The following HTR2A variants were observed in gnomAD, a reference collection of about 807,000 sequenced individuals.
HTR2A encodes the protein 5-HT2 receptor.
HTR2A carries 14 observed loss-of-function variants against 31.0 expected under a neutral mutation model. That is an observed-to-expected ratio of 0.45 (90% CI 0.30 to 0.71). The LOEUF is 0.71. Ranked by LOEUF, HTR2A falls within the 30% of genes least tolerant of loss-of-function variation. The pLI, the probability that HTR2A is intolerant of heterozygous loss-of-function variation, is 0.09. For synonymous variants in HTR2A, 209 were observed against 225.2 expected (o/e 0.93, Z 0.64); for missense variants, 442 against 573.3 (o/e 0.77, Z 2.34).
intron 3 of HTR2A, among the ~76,000 whole-genome samples, chr13:46,880,936 A>G (rs1257877051): frequency 2.0e-5 from 3 of 152,166 alleles, no homozygotes; most frequent in African/African-American, 7.2e-5. Context: ...TGGATCATCT[A>G]TGCTGTGCTA....
At chr13:46,876,385 C>CATATATATATAT (rs1213510951) in intron 3 of HTR2A, among the ~76,000 whole-genome samples, 26 of 94,290 alleles carry the variant, frequency 2.8e-4, no homozygotes, top group South Asian at 1.7e-3. Flanking sequence ...TATTTTGATT[C>CATATATATATAT]ATATATATAT....
At chr13:46,889,314 T>A (rs1951032299) in intron 3 of HTR2A, among the ~76,000 whole-genome samples, 1 of 152,058 alleles carries the variant, frequency 6.6e-6, no homozygotes, top group African/African-American at 2.4e-5. Context: ...TAATAACCCA[T>A]GAAGGTATAG....
At chr13:46,892,969 A>C (rs61948342) in intron 2 of HTR2A, among the ~76,000 whole-genome samples, 6,083 of 152,272 alleles carry the variant, frequency 0.04, 164 homozygotes, top group South Asian at 0.096. Flanking sequence ...CTGTACTGTC[A>C]GGATTTAGTC....
chr13:46,896,077 T>TC lies in HTR2A; in HGVS notation c.-172_-171insG. ...ATTATTACAATGATAGTTAAAGAAC[T>TC]GAACTGTGGTGGCTGTAAGTTTTCT... On this transcript the variant is annotated 5_prime_UTR_variant, in exon 2 of 4. It removes the in-frame stop codon of an upstream open reading frame in the 5' UTR. Coordinates refer to ENST00000542664, the MANE Select transcript of HTR2A (RefSeq NM_000621.5). The TC allele has an allele frequency of 7.3e-7, 1 of 1,363,660 alleles. No homozygotes were observed. Among genetic ancestry groups the TC allele is most frequent in the South Asian group, 2.1e-5 (1 of 46,832 alleles). The allele number at this position is 1,363,660 out of a possible 1,614,324, so 84.5% of individuals were successfully genotyped here.
intron 3 of HTR2A, among the ~76,000 whole-genome samples, chr13:46,874,171 G>A (rs761377871): frequency 6.6e-6 from 1 of 152,188 alleles, no homozygotes; most frequent in African/African-American, 2.4e-5. Context: ...CTCATGGTAT[G>A]TCTCTTATTC....
intron 3 of HTR2A, among the ~76,000 whole-genome samples, chr13:46,882,148 G>GTT (rs1950970511): frequency 3.3e-5 from 5 of 151,768 alleles, no homozygotes; most frequent in African/African-American, 4.8e-5. Flanking sequence ...GAAGTTACAT[G>GTT]CAATTCCAAG....
At chr13:46,845,227 A>G (rs1459797634) in intron 3 of HTR2A, among the ~76,000 whole-genome samples, 1 of 152,168 alleles carries the variant, frequency 6.6e-6, no homozygotes, top group Non-Finnish European at 1.5e-5. Context: ...ATAAATTCCT[A>G]TGTGATGTCA....
intron 3 of HTR2A, among the ~76,000 whole-genome samples, chr13:46,848,622 G>A (rs148658990): frequency 2.0e-5 from 3 of 152,298 alleles, no homozygotes; most frequent in African/African-American, 7.2e-5. Flanking sequence ...TACAGATGAA[G>A]AAAATATACT....
chr13:46,893,642 G>T (rs972034773), intron 2 of HTR2A, among the ~76,000 whole-genome samples: 1 of 152,224 alleles, frequency 6.6e-6, no homozygotes, highest in African/African-American at 2.4e-5. Flanking sequence ...AAGAGATACT[G>T]CAGGTCACCT....
intron 3 of HTR2A, among the ~76,000 whole-genome samples, chr13:46,882,057 C>CTT (rs1950969345): frequency 6.6e-6 from 1 of 151,482 alleles, no homozygotes; most frequent in Non-Finnish European, 1.5e-5. Context: ...TTTGAGGTTG[C>CTT]TCATAAAAAA....
intron 3 of HTR2A, among the ~76,000 whole-genome samples, chr13:46,875,238 TG>T (rs1950899322): frequency 6.6e-6 from 1 of 152,236 alleles, no homozygotes. Context: ...GTTGTTCATC[TG>T]GGATTTTAAA....
chr13:46,867,722 C>T (rs1431145022), intron 3 of HTR2A, among the ~76,000 whole-genome samples: 1 of 152,136 alleles, frequency 6.6e-6, no homozygotes, highest in Non-Finnish European at 1.5e-5. Flanking sequence ...GCCATATGGC[C>T]CTCTTTACAT....
chr13:46,891,719 C>A (rs1413428636), intron 3 of HTR2A, among the ~76,000 whole-genome samples: 1 of 152,214 alleles, frequency 6.6e-6, no homozygotes, highest in Non-Finnish European at 1.5e-5. Context: ...CACTTCACTG[C>A]CTGAGACCCG....
chr13:46,894,174 T>G (rs9534510), intron 2 of HTR2A, among the ~76,000 whole-genome samples: 82,522 of 152,040 alleles, frequency 0.54, 22,941 homozygotes, highest in Middle Eastern at 0.68. Flanking sequence ...TGGGGGAGGC[T>G]GGAGGAGCAG....
At chr13:46,841,520 C>T (rs530558513) in intron 3 of HTR2A, among the ~76,000 whole-genome samples, 1 of 152,082 alleles carries the variant, frequency 6.6e-6, no homozygotes, top group South Asian at 2.1e-4. Context: ...GCCTGAGCCT[C>T]ATTCTCGGGG....
intron 3 of HTR2A, among the ~76,000 whole-genome samples, chr13:46,845,501 T>G (rs1950634439): frequency 6.6e-6 from 1 of 152,082 alleles, no homozygotes; most frequent in Non-Finnish European, 1.5e-5. Context: ...GCAATCAGTT[T>G]TGTTCCTTCA....
intron 3 of HTR2A, among the ~76,000 whole-genome samples, chr13:46,876,264 T>C (rs1383263124): frequency 6.6e-6 from 1 of 152,018 alleles, no homozygotes; most frequent in Admixed American, 6.6e-5. Flanking sequence ...CAACCATCTC[T>C]GATCCCCAAT....
intron 3 of HTR2A, among the ~76,000 whole-genome samples, chr13:46,866,960 A>C (rs1392748844): frequency 2.0e-5 from 3 of 152,222 alleles, no homozygotes; most frequent in Non-Finnish European, 4.4e-5. Context: ...TGGGAGGCAG[A>C]GGTTGCAGTG....
chr13:46,860,833 A>G (rs9316234), intron 3 of HTR2A, among the ~76,000 whole-genome samples: 1 of 152,326 alleles, frequency 6.6e-6, no homozygotes, highest in East Asian at 1.9e-4. Flanking sequence ...TACATTGCAG[A>G]GCTTGAGACC....
Sources: allele counts gnomAD v4.1 joint callset (sites outside exome capture counted in the v4.1 genomes callset), GRCh38; gene constraint gnomAD v4.1.1; transcripts MANE v1.5; gene names NCBI Gene and HGNC (gene_info 2026-07-23, HGNC 2026-07-21).